TMEM67: variants seen among roughly 807,000 people sequenced by gnomAD.
TMEM67 encodes the protein meckelin.
In TMEM67, 124 loss-of-function variants were observed where a neutral mutation model predicts 136.6. The ratio of observed to expected loss-of-function variants is 0.91; its 90% CI spans 0.78 to 1.05. The LOEUF (loss-of-function observed/expected upper bound fraction) is 1.05. TMEM67 is among the 50% of genes least tolerant of loss of function. TMEM67 has a pLI of 0.00. For missense variants in TMEM67, 1,107 were observed against 1,178.4 expected, an observed-to-expected ratio of 0.94 and a Z score of 0.89; for synonymous variants, 364 against 390.5, an observed-to-expected ratio of 0.93 and a Z score of 0.80.
Position 93,786,286 on chromosome 8 carries a change from GA to G in TMEM67, c.1353del (p.Glu452LysfsTer4), listed in dbSNP as rs749435317. The G allele has an allele frequency of 4.3e-6, 7 of 1,613,944 alleles. No homozygotes were observed. In the East Asian group the frequency reaches 1.3e-4, roughly 31 times the overall value. On this transcript the variant is annotated frameshift_variant, in exon 13 of 28. Transcript: ENST00000453321. LOFTEE classifies it high-confidence loss of function. ...RIFLVDAVSG[R>X]ENDLGTQPRV... Reference sequence around the variant, plus strand: ...TTCTTAGTGGATGCAGTAAGTGGACGAGAAAATGACTTAGGAACTCAGCCAA... The same window carrying G: ...TTCTTAGTGGATGCAGTAAGTGGACGGAAAATGACTTAGGAACTCAGCCAA...
rs138142637 is a variant in TMEM67 at position 93,776,727 on chromosome 8, T to A, written c.715-3866T>A. Among the ~76,000 whole-genome samples, 663 of 152,328 alleles carry A rather than the reference T, an allele frequency of 4.4e-3. 7 individuals are homozygous for A. The highest frequency in any genetic ancestry group is 0.015 in the African/African-American group (613 of 41,582). ...CAGCTTGATCGTGTTGGATAAGCTT[T>A]TTGATGTGTTGCTGGATTTGGTTTG... is the stretch of plus-strand genomic sequence containing the variant. On this transcript the variant is annotated intron_variant, in intron 7 of 27. Coordinates refer to ENST00000453321, the MANE Select transcript of TMEM67 (RefSeq NM_153704.6).
intron 19 of TMEM67, 27 bp downstream of exon 19, chr8:93,797,260 C>T: frequency 6.2e-7 from 1 of 1,611,112 alleles, no homozygotes; most frequent in South Asian, 1.1e-5. Context: ...ATATTTGTAC[C>T]AAAATTCTTT....
chr8:93,759,136 A>C (rs1434686643), intron 3 of TMEM67: 1 of 152,314 alleles, frequency 6.6e-6, no homozygotes, highest in African/African-American at 2.4e-5. Flanking sequence ...CTGGAAAAGG[A>C]TGCAAACTAT....
chr8:93,819,583 G>A (rs1204017579), downstream of TMEM67, among the ~76,000 whole-genome samples: 2 of 152,142 alleles, frequency 1.3e-5, no homozygotes, highest in African/African-American at 2.4e-5. Flanking sequence ...CTGCAGTACC[G>A]GGGTGTGATA....
intron 3 of TMEM67, chr8:93,759,151 T>C (rs1812708631): frequency 2.0e-5 from 3 of 152,040 alleles, no homozygotes; most frequent in Admixed American, 2.0e-4. Flanking sequence ...AACTATGCAC[T>C]TAAGTAAGAG....
chr8:93,808,345 ATATT>A (rs1169991140), intron 23 of TMEM67, among the ~76,000 whole-genome samples: 27 of 138,336 alleles, frequency 2.0e-4, no homozygotes, highest in African/African-American at 3.9e-4. Flanking sequence ...ATAAATATAT[ATATT>A]TATTATAGAT....
downstream of TMEM67, among the ~76,000 whole-genome samples, chr8:93,818,577 A>G (rs1808984473): frequency 6.6e-6 from 1 of 152,210 alleles, no homozygotes; most frequent in Non-Finnish European, 1.5e-5. Context: ...CTGAGGGGAA[A>G]TAACTGTAAG....
At chr8:93,812,732 ATTG>A (rs1333989820) in intron 26 of TMEM67, among the ~76,000 whole-genome samples, 1 of 151,912 alleles carries the variant, frequency 6.6e-6, no homozygotes, top group Non-Finnish European at 1.5e-5. Flanking sequence ...AAATGTTATT[ATTG>A]TTATTATTTT....
downstream of TMEM67, chr8:93,819,326 A>T (rs1369317783): frequency 2.6e-6 from 1 of 387,704 alleles, no homozygotes; most frequent in Non-Finnish European, 4.9e-6. Flanking sequence ...AGAGGCCCAG[A>T]TAGAGGTCAC....
chr8:93,767,725 A>ATT (rs61268455), intron 6 of TMEM67, among the ~76,000 whole-genome samples: 3,727 of 139,666 alleles, frequency 0.027, 58 homozygotes, highest in South Asian at 0.049. Context: ...CTTCTGCGTG[A>ATT]TTTTTTTTTT....
chr8:93,823,139 A>G (rs138048734), downstream of TMEM67, among the ~76,000 whole-genome samples: 1 of 152,342 alleles, frequency 6.6e-6, no homozygotes, highest in African/African-American at 2.4e-5. Context: ...GCAACATAAA[A>G]GTATCATCTT....
intron 20 of TMEM67, among the ~76,000 whole-genome samples, chr8:93,799,348 A>G (rs1228532550): frequency 6.6e-6 from 1 of 152,186 alleles, no homozygotes; most frequent in Non-Finnish European, 1.5e-5. Flanking sequence ...TTAAATTTTT[A>G]GTCTTGTCAG....
intron 3 of TMEM67, 59 bp downstream of exon 3, chr8:93,758,635 T>G: frequency 1.4e-6 from 2 of 1,434,456 alleles, no homozygotes; most frequent in Non-Finnish European, 2.0e-6. Context: ...GTTTTTGTTT[T>G]TATTTGAAAA....
chr8:93,754,850 C>T (rs554711654), upstream of TMEM67: 3 of 1,503,734 alleles, frequency 2.0e-6, no homozygotes, highest in African/African-American at 2.7e-5. Context: ...GTCCAATCAG[C>T]TCAGCGAAGC....
At chr8:93,808,197 TATATATATATGCTCTACCTAAAA>T (rs1255931289) in intron 23 of TMEM67, among the ~76,000 whole-genome samples, 1 of 148,238 alleles carries the variant, frequency 6.7e-6, no homozygotes, top group African/African-American at 2.5e-5. Context: ...TCTACTTAAA[TATATATATATGCTCTACCTAAAA>T]ATATATATAT....
intron 7 of TMEM67, among the ~76,000 whole-genome samples, chr8:93,778,672 G>A (rs936239629): frequency 6.6e-6 from 1 of 152,162 alleles, no homozygotes; most frequent in East Asian, 1.9e-4. Context: ...TAAGAATGTT[G>A]AATATTGGCC....
rs1024996836 is a variant in TMEM67 at position 93,793,067 on chromosome 8, G to C, written c.1576-131G>C. ...ATTACAGGTGTGAGCCACTGTGCCCGGCTGACTCCTGTGTCCTTTCAACAT... is the reference window on the plus strand; with the variant it reads ...ATTACAGGTGTGAGCCACTGTGCCCCGCTGACTCCTGTGTCCTTTCAACAT... On this transcript the variant is annotated intron_variant, in intron 15 of 27. Coordinates refer to ENST00000453321, the MANE Select transcript of TMEM67 (RefSeq NM_153704.6). The C allele has an allele frequency of 2.5e-4, 204 of 802,340 alleles. 3 individuals carry two copies. Among genetic ancestry groups the C allele is most frequent in the Non-Finnish European group, 3.8e-5 (18 of 472,634 alleles). The allele number at this position is 802,340 out of a possible 1,614,324, so 49.7% of individuals were successfully genotyped here. A position where few individuals can be genotyped will look rare whatever the true frequency, so the allele number is the denominator to read the frequency against.
the TMEM67 span, among the ~76,000 whole-genome samples, chr8:93,824,746 C>T: frequency 6.6e-6 from 1 of 152,116 alleles, no homozygotes; most frequent in Non-Finnish European, 1.5e-5. Flanking sequence ...GATAGGGTCT[C>T]ACTCTGTTGC....
Position 93,809,866 on chromosome 8 carries a change from G to T in TMEM67, c.2743G>T (p.Glu915Ter). Residue 915 changes from glutamate to a stop codon, truncating the protein, a stop_gained, in exon 26 of 28, where the codon GAA becomes TAA. Coordinates refer to ENST00000453321, the MANE Select transcript of TMEM67 (RefSeq NM_153704.6). LOFTEE classifies it high-confidence loss of function. ...TGGAATGGAATTCATGGAACCAATG[G>T]AAAAAAGCATCTTTTACAATGGTAT... is the stretch of plus-strand genomic sequence containing the variant. ...ILGMEFMEPMEKSIFYNDEGY... is the reference protein window; with the variant it reads ...ILGMEFMEPM 6.2e-7 allele frequency: 1 copy of T among 1,604,716 alleles called. No homozygotes were observed. The highest frequency in any genetic ancestry group is 8.5e-7 in the Non-Finnish European group (1 of 1,172,564).
Sources: gnomAD v4.1 joint callset for allele counts (sites outside exome capture counted in the v4.1 genomes callset) on GRCh38, gnomAD v4.1.1 for gene constraint, MANE v1.5 for transcripts, NCBI Gene and HGNC (gene_info 2026-07-23, HGNC 2026-07-21) for gene names.